The following SGCD variants were observed in gnomAD, a reference collection of about 807,000 sequenced individuals.
SGCD encodes delta-sarcoglycan.
SGCD carries 18 observed loss-of-function variants against 36.6 expected under a neutral mutation model. The ratio of observed to expected loss-of-function variants is 0.49; its 90% CI spans 0.34 to 0.73. The LOEUF is 0.73. SGCD is among the 30% of genes least tolerant of loss of function. The pLI is 0.01. For synonymous variants in SGCD, 133 were observed against 130.6 expected (o/e 1.02, Z -0.12); for missense variants, 387 against 346.7 (o/e 1.12, Z -0.92).
intron 3 of SGCD, among the ~76,000 whole-genome samples, chr5:156,207,078 A>T (rs1267629106): frequency 6.6e-6 from 1 of 152,050 alleles, no homozygotes; most frequent in Non-Finnish European, 1.5e-5. Context: ...TTTAGAAAGG[A>T]TGATTTAGAT....
chr5:156,574,262 T>C lies in SGCD; in HGVS notation c.295-14969T>C, dbSNP rs117865508. The stretch of plus-strand genomic sequence containing the variant: ...CTACATAGAAAGCAGAAACTGACCA[T>C]ATCCTAACATCACTGTCAGTTTGAT... On this transcript the variant is annotated intron_variant, in intron 4 of 8. Coordinates refer to ENST00000337851, the MANE Select transcript of SGCD (RefSeq NM_000337.6). Among the ~76,000 whole-genome samples, 14 of 152,308 alleles carry C rather than the reference T, an allele frequency of 9.2e-5. No homozygotes were observed. The East Asian group carries it at 2.5e-3, about 27-fold the overall frequency.
chr5:156,507,702 C>T (rs115883006), intron 3 of SGCD, among the ~76,000 whole-genome samples: 1,887 of 152,058 alleles, frequency 0.012, 32 homozygotes, highest in African/African-American at 0.042. Flanking sequence ...TGGGAAATTC[C>T]ATTTTTAAAA....
At chr5:155,933,863 C>T (rs755845603) in intron 1 of SGCD, among the ~76,000 whole-genome samples, 1 of 152,096 alleles carries the variant, frequency 6.6e-6, no homozygotes, top group Non-Finnish European at 1.5e-5. Flanking sequence ...CAGAGAAGAC[C>T]GTCAGTTAAG....
At chr5:156,608,603 A>G (rs545477573) in intron 6 of SGCD, among the ~76,000 whole-genome samples, 17 of 152,158 alleles carry the variant, frequency 1.1e-4, no homozygotes, top group African/African-American at 3.9e-4. Context: ...TATCCTTGTT[A>G]ACTTTCTGTC....
intron 1 of SGCD, among the ~76,000 whole-genome samples, chr5:155,969,856 G>A (rs1346838411): frequency 1.3e-5 from 2 of 152,016 alleles, no homozygotes; most frequent in Non-Finnish European, 2.9e-5. Flanking sequence ...CATTGGTCAA[G>A]TTAATCTCAT....
chr5:156,188,952 T>A (rs1763827419), intron 3 of SGCD, among the ~76,000 whole-genome samples: 1 of 152,170 alleles, frequency 6.6e-6, no homozygotes, highest in South Asian at 2.1e-4. Context: ...CTGCACCCTG[T>A]TGTAGAGTGG....
At chr5:156,220,095 T>C (rs1764680879) in intron 3 of SGCD, among the ~76,000 whole-genome samples, 1 of 152,194 alleles carries the variant, frequency 6.6e-6, no homozygotes, top group African/African-American at 2.4e-5. Flanking sequence ...AAACCTGATA[T>C]CCTTTTTATA....
At chr5:155,937,616 A>C (rs1464164601) in intron 1 of SGCD, among the ~76,000 whole-genome samples, 1 of 152,176 alleles carries the variant, frequency 6.6e-6, no homozygotes, top group Non-Finnish European at 1.5e-5. Flanking sequence ...TGCTGGGATG[A>C]ACAAACTTGG....
At chr5:156,625,693 A>G (rs1220805053) in intron 6 of SGCD, among the ~76,000 whole-genome samples, 2 of 152,202 alleles carry the variant, frequency 1.3e-5, no homozygotes, top group African/African-American at 4.8e-5. Context: ...GTCCTAATGT[A>G]AGTGCTTACT....
At chr5:155,934,024 G>T (rs1161016321) in intron 1 of SGCD, among the ~76,000 whole-genome samples, 1 of 152,130 alleles carries the variant, frequency 6.6e-6, no homozygotes, top group African/African-American at 2.4e-5. Context: ...ATCTCCTATT[G>T]TTTTCTGTCT....
chr5:156,282,660 GT>G (rs975897039), intron 3 of SGCD, among the ~76,000 whole-genome samples: 1 of 151,762 alleles, frequency 6.6e-6, no homozygotes. Flanking sequence ...TGGTGTGAGT[GT>G]TTTTTTTCCT....
rs183297041 is a variant in SGCD at position 156,370,112 on chromosome 5, G to A, written c.192+25435G>A. 6.1e-3 allele frequency among the ~76,000 whole-genome samples: 936 copies of A among 152,246 alleles called. 7 individuals are homozygous for A. The highest frequency in any genetic ancestry group is 6.3e-3 in the Admixed American group (96 of 15,288). ...AAGGTCAGTTGCTTTCCAGATATCA[G>A]CATCCAAGTTTAAGGTCGCAGATTC... On this transcript the variant is annotated intron_variant, in intron 3 of 8. Coordinates refer to ENST00000337851, the MANE Select transcript of SGCD (RefSeq NM_000337.6).
chr5:156,395,816 A>G (rs186991786), intron 3 of SGCD, among the ~76,000 whole-genome samples: 2 of 152,292 alleles, frequency 1.3e-5, no homozygotes, highest in Non-Finnish European at 2.9e-5. Flanking sequence ...ACAGGGATAC[A>G]GCTTCCTTCG....
chr5:156,168,603 T>C (rs1226965911), intron 3 of SGCD, among the ~76,000 whole-genome samples: 1 of 152,160 alleles, frequency 6.6e-6, no homozygotes, highest in Non-Finnish European at 1.5e-5. Flanking sequence ...TATGTTTTAA[T>C]ATTAAATAAG....
chr5:156,329,784 G>A (rs888442851), intron 2 of SGCD, among the ~76,000 whole-genome samples: 24 of 152,150 alleles, frequency 1.6e-4, no homozygotes, highest in South Asian at 2.1e-4. Context: ...TTGGGAGGCC[G>A]AGGCAGGTGG....
At chr5:155,954,206 G>T (rs959512535) in intron 1 of SGCD, among the ~76,000 whole-genome samples, 2 of 152,156 alleles carry the variant, frequency 1.3e-5, no homozygotes, top group African/African-American at 4.8e-5. Flanking sequence ...AAGAGCGTTT[G>T]AAAGTATCCT....
intron 3 of SGCD, among the ~76,000 whole-genome samples, chr5:156,307,555 G>GTTTTTTTTTTTTTT (rs59481792): frequency 4.9e-5 from 2 of 41,142 alleles, no homozygotes; most frequent in Non-Finnish European, 9.7e-5. Context: ...TTTAACTGTT[G>GTTTTTTTTTTTTTT]TTTTTTTTTT....
At chr5:156,442,366 T>C (rs747655975) in intron 3 of SGCD, among the ~76,000 whole-genome samples, 4 of 152,212 alleles carry the variant, frequency 2.6e-5, no homozygotes, top group Admixed American at 6.5e-5. Context: ...TTTAAACCGC[T>C]CTACCATTTC....
In SGCD at chr5:155,993,171, C is replaced by T. The variant is rs146646473; in HGVS notation, c.-282+122747C>T. Among the ~76,000 whole-genome samples, 287 of 152,270 alleles carry T rather than the reference C, an allele frequency of 1.9e-3. 2 individuals are homozygous for T. In the East Asian group the frequency reaches 0.021, roughly 11 times the overall value. ...TGCTCCCATTTTCCCTTCAGTCCTTCTGCCTCTTGCCCCGCCATGGAACAT... is the reference window on the plus strand; with the variant it reads ...TGCTCCCATTTTCCCTTCAGTCCTTTTGCCTCTTGCCCCGCCATGGAACAT... On this transcript the variant is annotated intron_variant, in intron 1 of 9. Transcript: ENST00000517913.
Sources: gnomAD v4.1 joint callset for allele counts (sites outside exome capture counted in the v4.1 genomes callset) on GRCh38, gnomAD v4.1.1 for gene constraint, MANE v1.5 for transcripts, NCBI Gene and HGNC (gene_info 2026-07-23, HGNC 2026-07-21) for gene names.